Variants in ALK observed in about 807,000 individuals in gnomAD.
The protein encoded by ALK is ALK tyrosine kinase receptor.
Under a neutral mutation model 163.1 loss-of-function variants are expected in ALK, and 74 were observed. The ratio of observed to expected loss-of-function variants is 0.45; its 90% CI spans 0.38 to 0.55. ALK has a LOEUF of 0.55. Ranked by LOEUF, ALK falls within the 20% of genes least tolerant of loss-of-function variation. The pLI, the probability that ALK is intolerant of heterozygous loss-of-function variation, is 0.00. For missense variants in ALK, 2,063 were observed against 2,105.3 expected (o/e 0.98, Z 0.39); for synonymous variants, 960 against 843.2 (o/e 1.14, Z -2.40).
At chr2:29,670,441 G>T (rs1215640704) in intron 3 of ALK, among the ~76,000 whole-genome samples, 1 of 152,002 alleles carries the variant, frequency 6.6e-6, no homozygotes, top group East Asian at 1.9e-4. Context: ...GATGACTGCA[G>T]CATCCTCTCT....
intron 4 of ALK, among the ~76,000 whole-genome samples, chr2:29,453,084 C>T (rs1318267413): frequency 6.6e-6 from 1 of 152,128 alleles, no homozygotes; most frequent in Non-Finnish European, 1.5e-5. Flanking sequence ...TGTAGGATAG[C>T]TAAGAGAATT....
chr2:29,308,674 C>T (rs973202068), intron 8 of ALK, among the ~76,000 whole-genome samples: 14 of 152,206 alleles, frequency 9.2e-5, no homozygotes, highest in Non-Finnish European at 1.8e-4. Context: ...GCTTCAGCAT[C>T]TTCTTCCGTC....
intron 24 of ALK, 51 bp downstream of exon 24, chr2:29,213,933 C>T (rs1242420929): frequency 6.0e-6 from 9 of 1,498,128 alleles, no homozygotes; most frequent in Non-Finnish European, 1.9e-6. Context: ...TGCGGGGAAG[C>T]ACACAGATCA....
At chr2:29,634,994 T>C (rs1245128966) in intron 3 of ALK, among the ~76,000 whole-genome samples, 1 of 152,186 alleles carries the variant, frequency 6.6e-6, no homozygotes, top group Non-Finnish European at 1.5e-5. Flanking sequence ...ATACTAGCAA[T>C]GAACACCCAG....
At chr2:29,654,405 T>C (rs1677119258) in intron 3 of ALK, among the ~76,000 whole-genome samples, 1 of 152,122 alleles carries the variant, frequency 6.6e-6, no homozygotes, top group Non-Finnish European at 1.5e-5. Context: ...CAGTCAGTGC[T>C]CCAGGAAGCT....
chr2:29,809,756 G>A (rs929202996), intron 1 of ALK, among the ~76,000 whole-genome samples: 9 of 152,214 alleles, frequency 5.9e-5, no homozygotes, highest in African/African-American at 1.7e-4. Flanking sequence ...TTACTTTCCA[G>A]AGACATATAC....
At chr2:29,228,792 C>G (rs1164987731) in intron 16 of ALK, 92 bp downstream of exon 16, 3 of 860,366 alleles carry the variant, frequency 3.5e-6, no homozygotes, top group African/African-American at 1.9e-5. Context: ...CTTGGGCAGG[C>G]CAGGGGAGGG....
At chr2:29,332,395 A>AATGGGC (rs1386939763) in intron 5 of ALK, among the ~76,000 whole-genome samples, 1 of 149,482 alleles carries the variant, frequency 6.7e-6, no homozygotes. Context: ...CTTATGTCCC[A>AATGGGC]ATGGGCATGG....
chr2:29,905,352 A>G (rs1304940227), intron 1 of ALK, among the ~76,000 whole-genome samples: 4 of 152,254 alleles, frequency 2.6e-5, no homozygotes, highest in Non-Finnish European at 5.9e-5. Flanking sequence ...ATTTAAGCAC[A>G]TAAATAATCT....
At chr2:29,298,985 C>A (rs888710729) in intron 8 of ALK, among the ~76,000 whole-genome samples, 1 of 152,194 alleles carries the variant, frequency 6.6e-6, no homozygotes, top group Non-Finnish European at 1.5e-5. Flanking sequence ...TTTATTTCAT[C>A]CTCTGGGCTC....
chr2:29,286,902 T>G (rs1665870598), intron 9 of ALK: 1 of 151,922 alleles, frequency 6.6e-6, no homozygotes, highest in African/African-American at 2.4e-5. Context: ...CTATATTCCT[T>G]GACTTAGTCT....
intron 5 of ALK, among the ~76,000 whole-genome samples, chr2:29,345,116 G>A (rs749736800): frequency 1.6e-4 from 24 of 152,190 alleles, no homozygotes; most frequent in Middle Eastern, 3.4e-3. Context: ...TACCCAGGCC[G>A]GGCGCAGTGG....
intron 8 of ALK, among the ~76,000 whole-genome samples, chr2:29,311,692 T>A (rs1415931930): frequency 1.3e-5 from 2 of 152,124 alleles, no homozygotes; most frequent in African/African-American, 4.8e-5. Context: ...TGCTCTTGCA[T>A]CTGGAGGACA....
chr2:29,369,496 G>C lies in ALK; in HGVS notation c.1282+14236C>G, dbSNP rs182487052. On this transcript the variant is annotated intron_variant, in intron 5 of 28. Coordinates refer to ENST00000389048, the MANE Select transcript of ALK (RefSeq NM_004304.5). ...TGCCCTGGAGCTGGGCTCCAGTGTA[G>C]CCGATCCAACCATTTCAGCCACCTT... is the stretch of plus-strand genomic sequence containing the variant. 3.4e-3 allele frequency among the ~76,000 whole-genome samples: 513 copies of C among 152,274 alleles called. 1 individual carries two copies. Among genetic ancestry groups the C allele is most frequent in the African/African-American group, 9.5e-3 (394 of 41,556 alleles).
At chr2:29,559,398 A>AG (rs1384346060) in intron 3 of ALK, among the ~76,000 whole-genome samples, 1 of 152,244 alleles carries the variant, frequency 6.6e-6, no homozygotes, top group East Asian at 1.9e-4. Flanking sequence ...TGCCCAGCAG[A>AG]GGCGTATGGG....
intron 3 of ALK, among the ~76,000 whole-genome samples, chr2:29,575,604 A>G (rs1012262012): frequency 2.6e-5 from 4 of 152,226 alleles, no homozygotes; most frequent in Non-Finnish European, 4.4e-5. Flanking sequence ...ATATACACCA[A>G]TGAAAAAATA....
At chr2:29,283,157 G>C (rs1665757349) in intron 9 of ALK, among the ~76,000 whole-genome samples, 1 of 152,188 alleles carries the variant, frequency 6.6e-6, no homozygotes, top group African/African-American at 2.4e-5. Context: ...CCATTCTTTT[G>C]ACTTGTGTGG....
At chr2:29,781,626 T>G (rs1318495633) in intron 1 of ALK, among the ~76,000 whole-genome samples, 1 of 152,234 alleles carries the variant, frequency 6.6e-6, no homozygotes, top group Non-Finnish European at 1.5e-5. Flanking sequence ...TGATGGGTGA[T>G]GAACGGTACT....
At chr2:29,210,694 A>G (rs1573104188) in intron 24 of ALK, among the ~76,000 whole-genome samples, 1 of 152,312 alleles carries the variant, frequency 6.6e-6, no homozygotes, top group African/African-American at 2.4e-5. Flanking sequence ...TCGGCCTCCC[A>G]AAGTTATTAT....
Sources: gnomAD v4.1 joint callset for allele counts (sites outside exome capture counted in the v4.1 genomes callset) on GRCh38, gnomAD v4.1.1 for gene constraint, MANE v1.5 for transcripts, NCBI Gene and HGNC (gene_info 2026-07-23, HGNC 2026-07-21) for gene names.